The following PKLR variants were observed in gnomAD, a reference collection of about 807,000 sequenced individuals.
The protein encoded by PKLR is pyruvate kinase PKLR.
In PKLR, 38 loss-of-function variants were observed where a neutral mutation model predicts 53.6. The ratio of observed to expected loss-of-function variants is 0.71; its 90% CI spans 0.55 to 0.93. The LOEUF is 0.93. Among genes scored for constraint, PKLR ranks in the 40% least tolerant of loss-of-function variants. The pLI is 0.00. For synonymous variants in PKLR, 328 were observed against 316.2 expected, an observed-to-expected ratio of 1.04 and a Z score of -0.39; for missense variants, 702 against 787.3, an observed-to-expected ratio of 0.89 and a Z score of 1.30.
intron 2 of PKLR, among the ~76,000 whole-genome samples, chr1:155,298,953 C>CTTTCTTT: frequency 9.6e-6 from 1 of 103,804 alleles, no homozygotes. Context: ...AACTTTCACT[C>CTTTCTTT]CTTTCTTTCT....
chr1:155,299,623 C>T (rs1647871094), intron 2 of PKLR, among the ~76,000 whole-genome samples: 2 of 149,394 alleles, frequency 1.3e-5, no homozygotes, highest in Non-Finnish European at 1.5e-5. Context: ...TCTCCTGCCT[C>T]AGCCTCCTGA....
rs1030651618 is a variant in PKLR, at chr1:155,295,576, AG to A, written c.376-9del. 14 of 1,613,808 alleles carry A rather than the reference AG, an allele frequency of 8.7e-6. No homozygotes were observed. In the African/African-American group the frequency reaches 1.9e-4, roughly 22 times the overall value. On this transcript the variant is annotated splice_polypyrimidine_tract_variant and intron_variant, in intron 3 of 10. Transcript: ENST00000342741. This position sits in a 1 kb window ranked among gnomAD's most constrained non-coding sequence, Gnocchi z 4.3. ...GATGGACTCAGCATGGTACTGGGGG[AG>A]GGAGCGGAGCGAGGGTTTCAGGGGA...
chr1:155,305,020 A>C (rs1416742966), upstream of PKLR, among the ~76,000 whole-genome samples: 2 of 152,046 alleles, frequency 1.3e-5, no homozygotes, highest in African/African-American at 4.8e-5. Flanking sequence ...GGAGAGTGGC[A>C]CCCATAGGAG....
rs149505733 is a variant in PKLR, at chr1:155,301,064, C to T, written c.100+232G>A. 380 of 1,529,488 alleles carry T rather than the reference C, an allele frequency of 2.5e-4. 1 individual carries two copies. The East Asian group carries it at 8.1e-3, about 33-fold the overall frequency. The allele number at this position is 1,529,488 out of a possible 1,614,324, so 94.7% of individuals were successfully genotyped here. On this transcript the variant is annotated intron_variant, in intron 1 of 10. Transcript: ENST00000342741. ...GCCAGGGGCCAGAGTCCAGGAACCA[C>T]GGGAGTGCCCCGTGGCTTACATGCT...
chr1:155,292,600 T>C (rs1473199620), intron 9 of PKLR, among the ~76,000 whole-genome samples: 2 of 152,068 alleles, frequency 1.3e-5, no homozygotes, highest in South Asian at 4.1e-4. Flanking sequence ...TTGCACCATT[T>C]TACTCCAGCC....
At chr1:155,306,158 G>A (rs889891890), upstream of PKLR, among the ~76,000 whole-genome samples, 41 of 152,170 alleles carry the variant, frequency 2.7e-4, no homozygotes, top group Non-Finnish European at 4.4e-4. This position sits in a 1 kb window ranked among gnomAD's most constrained non-coding sequence, Gnocchi z 4.2. Context: ...ATGAAGCATG[G>A]TCTGCACTTT....
intron 2 of PKLR, among the ~76,000 whole-genome samples, chr1:155,296,760 C>A (rs1445106304): frequency 2.0e-5 from 3 of 152,146 alleles, no homozygotes; most frequent in African/African-American, 7.2e-5. Context: ...CCAGTATTTG[C>A]TCTCACTTGC....
In PKLR at chr1:155,295,625, T is replaced by C. The variant is rs749758002; in HGVS notation, c.375+40A>G. ...GGAAGGTGGCCAGGACCTCGAGGCA[T>C]CCTCCTGCCCCACCCACTGCCCGGC... On this transcript the variant is annotated intron_variant, in intron 3 of 10. Coordinates refer to ENST00000342741, the MANE Select transcript of PKLR (RefSeq NM_000298.6). This position sits in a 1 kb window ranked among gnomAD's most constrained non-coding sequence, Gnocchi z 4.3. The C allele has an allele frequency of 8.7e-6, 14 of 1,613,806 alleles. No homozygotes were observed. The African/African-American group carries it at 1.1e-4, about 12-fold the overall frequency.
At chr1:155,304,126 C>T (rs141353488), upstream of PKLR, among the ~76,000 whole-genome samples, 138 of 152,166 alleles carry the variant, frequency 9.1e-4, 1 homozygote, top group South Asian at 2.1e-3. Flanking sequence ...AGGTCCCTCC[C>T]GCTGCTGGGT....
intron 1 of PKLR, among the ~76,000 whole-genome samples, chr1:155,300,722 C>T (rs769635033): frequency 3.9e-5 from 6 of 152,084 alleles, no homozygotes; most frequent in Non-Finnish European, 8.8e-5. Flanking sequence ...AGTTCCTGCT[C>T]CAAAGGTCTC....
chr1:155,295,738 A>G lies in PKLR; in HGVS notation c.302T>C (p.Val101Ala), dbSNP rs1572057758. 6.2e-7 allele frequency: 1 copy of G among 1,613,876 alleles called. No homozygotes were observed. Reference protein sequence around the residue: ...IATIGPASRSVERLKEMIKAG... With the variant: ...IATIGPASRSAERLKEMIKAG... Reference sequence around the variant, plus strand: ...CTTGATCATCTCCTTGAGGCGCTCCACGGAGCGAGATGCTGGCCCTAGAAC... The same window carrying G: ...CTTGATCATCTCCTTGAGGCGCTCCGCGGAGCGAGATGCTGGCCCTAGAAC... Residue 101 changes from valine to alanine, a missense_variant, in exon 3 of 11, where the codon GTG becomes GCG. Transcript: ENST00000342741. This position sits in a 1 kb window ranked among gnomAD's most constrained non-coding sequence, Gnocchi z 4.3.
chr1:155,293,353 C>T lies in PKLR; in HGVS notation c.1270-10G>A, dbSNP rs748871228. Reference sequence around the variant, plus strand: ...CTGCCTCCCGGGCAATCTGCAGGTGCCAGAATGTTAGTCTGGGAAGGGGCA... The same window carrying T: ...CTGCCTCCCGGGCAATCTGCAGGTGTCAGAATGTTAGTCTGGGAAGGGGCA... On this transcript the variant is annotated splice_polypyrimidine_tract_variant and intron_variant, in intron 8 of 10. Coordinates refer to ENST00000342741, the MANE Select transcript of PKLR (RefSeq NM_000298.6). The surrounding 1 kb of genome is among the most constrained non-coding windows in gnomAD (Gnocchi z 4.2). 2.5e-6 allele frequency: 4 copies of T among 1,614,234 alleles called. No homozygotes were observed. Among genetic ancestry groups the T allele is most frequent in the African/African-American group, 1.3e-5 (1 of 75,046 alleles).
chr1:155,296,405 C>A, intron 2 of PKLR, among the ~76,000 whole-genome samples: 1 of 151,970 alleles, frequency 6.6e-6, no homozygotes, highest in Non-Finnish European at 1.5e-5. Context: ...TGCAGTGGCA[C>A]CATCTCAGCT....
chr1:155,294,649 C>T lies in PKLR; in HGVS notation c.798G>A (p.Glu266=). 1 of 1,614,170 alleles carries T rather than the reference C, an allele frequency of 6.2e-7. No homozygotes were observed. The highest frequency in any genetic ancestry group is 8.5e-7 in the Non-Finnish European group (1 of 1,180,048). Residue 266 remains glutamate (E), a synonymous_variant, in exon 6 of 11, where the codon GAG becomes GAA. Coordinates refer to ENST00000342741, the MANE Select transcript of PKLR (RefSeq NM_000298.6). ...GAQVDLPGLS[E]QDVRDLRFGV... ...CGAAGCGCAGGTCTCGGACGTCCTG[C>T]TCGGACAGCCCGGGCAAGTCCACCT...
At chr1:155,294,205 A>C in intron 7 of PKLR, 30 bp downstream of exon 7, 4 of 1,613,684 alleles carry the variant, frequency 2.5e-6, no homozygotes, top group Non-Finnish European at 3.4e-6. Flanking sequence ...AAACCCACAG[A>C]GTGCCGAACC....
In PKLR at chr1:155,293,442, T is replaced by C; in HGVS notation, c.1265A>G (p.His422Arg). The change falls in exon 8 of 11, where the codon CAT becomes CGT. Residue 422 changes from histidine to arginine, a missense_variant. Around this residue, in one of 2 missense-constraint regions of PKLR, gnomAD observed 183 missense variants for 250.2 expected, o/e 0.73. Transcript: ENST00000342741. The surrounding 1 kb of genome is among the most constrained non-coding windows in gnomAD (Gnocchi z 4.2). ...NFPVEAVKMQ[H>R]AIAREAEAAV... ...CTTTTCATTCTGAGCTCCTACCGCA[T>C]GCTGCATCTTCACCGCTTCCACAGG... is the stretch of plus-strand genomic sequence containing the variant. 1.9e-6 allele frequency: 3 copies of C among 1,614,250 alleles called. No individual in the cohort carries two copies. Among genetic ancestry groups the C allele is most frequent in the Non-Finnish European group, 2.5e-6 (3 of 1,180,042 alleles).
In PKLR at chr1:155,294,305, A is replaced by G; in HGVS notation, c.1046T>C (p.Val349Ala). Residue 349 changes from valine (V) to alanine (A), a missense_variant, in exon 7 of 11, where the codon GTT (valine) becomes GCT (alanine). By Grantham distance (64) the Val-to-Ala change is moderately conservative (BLOSUM62 0). This residue lies in a region of PKLR where 519 missense variants were observed against 537.1 expected (regional missense o/e 0.97). Transcript: ENST00000342741. ...DLGIEIPAEK[V>A]FLAQKMMIGR... ...AATCATCATCTTCTGAGCCAGGAAA[A>G]CCTTCTCTGCTGGGATCTCGATGCC... 1 of 1,612,752 alleles carries G rather than the reference A, an allele frequency of 6.2e-7. No individual in the cohort carries two copies. Among genetic ancestry groups the G allele is most frequent in the Non-Finnish European group, 8.5e-7 (1 of 1,179,658 alleles).
chr1:155,303,228 G>A (rs1420896300), upstream of PKLR, among the ~76,000 whole-genome samples: 1 of 152,226 alleles, frequency 6.6e-6, no homozygotes, highest in African/African-American at 2.4e-5. Context: ...GCCCCATCTT[G>A]GGATGGTTTG....
rs1647364409 is a variant in PKLR, at chr1:155,293,657, C to T, written c.1117-67G>A. 6.6e-7 allele frequency: 1 copy of T among 1,519,530 alleles called. No individual in the cohort carries two copies. Among genetic ancestry groups the T allele is most frequent in the South Asian group, 1.1e-5 (1 of 88,362 alleles). 94.1% of individuals were successfully genotyped at this position (1,519,530 alleles called of 1,614,324 possible). On this transcript the variant is annotated intron_variant, in intron 7 of 10. Transcript: ENST00000342741. The surrounding 1 kb of genome is among the most constrained non-coding windows in gnomAD (Gnocchi z 4.2). The stretch of plus-strand genomic sequence containing the variant: ...GTGACTGGGGACCCTGCCCAAGCTA[C>T]TTCTCTGACACCCACACTCTCAGAG...
Sources: allele counts gnomAD v4.1 joint callset (sites outside exome capture counted in the v4.1 genomes callset), GRCh38; gene constraint gnomAD v4.1.1; regional missense constraint gnomAD v4.1.1; non-coding constraint Gnocchi (gnomAD v3.1); transcripts MANE v1.5; gene names NCBI Gene and HGNC (gene_info 2026-07-23, HGNC 2026-07-21).